The following TBCB variants were observed in gnomAD, a reference collection of about 807,000 sequenced individuals.
TBCB encodes tubulin folding cofactor B, also known as tubulin-folding cofactor B.
A neutral mutation model predicts 29.2 loss-of-function variants in TBCB; 18 were observed. That is an observed-to-expected ratio of 0.62 (90% confidence interval 0.43 to 0.91). The LOEUF is 0.91. Among genes scored for constraint, TBCB ranks in the 40% least tolerant of loss-of-function variants. The pLI is 0.00. For missense variants in TBCB, 336 were observed against 337.6 expected (o/e 1.00, Z 0.04); for synonymous variants, 172 against 137.8 (o/e 1.25, Z -1.74).
Position 36,115,861 on chromosome 19 carries a change from C to T in TBCB, c.115-180C>T, listed in dbSNP as rs925496961. ...AACTCGAGAGTGCAGAGATGAGGGC[C>T]GGGTCCAGCGAAAAATCCGACGGTC... On this transcript the variant is annotated intron_variant, in intron 1 of 5. Transcript: ENST00000221855. 18 of 1,089,890 alleles carry T rather than the reference C, an allele frequency of 1.7e-5. No individual in the cohort carries two copies. In the Admixed American group the frequency reaches 2.0e-4, roughly 12 times the overall value. 67.5% of individuals were successfully genotyped at this position (1,089,890 alleles called of 1,614,324 possible).
At chr19:36,115,871 G>GAA in intron 1 of TBCB, 170 bp from the exon 2 acceptor site, 1 of 1,177,120 alleles carries the variant, frequency 8.5e-7, no homozygotes. Flanking sequence ...CGGGTCCAGC[G>GAA]AAAAATCCGA....
Position 36,115,676 on chromosome 19 carries a change from T to G in TBCB, c.114+2T>G. On this transcript the variant is annotated splice_donor_variant, in intron 1 of 5. Coordinates refer to ENST00000221855, the MANE Select transcript of TBCB (RefSeq NM_001281.3). LOFTEE classifies it high-confidence loss of function. ...AGCCTCACCATCGCTGAGTTCAAGG[T>G]GTGGCCATGGGGGCGGGGTCCGGAG... is the stretch of plus-strand genomic sequence containing the variant. 1 of 1,332,418 alleles carries G rather than the reference T, an allele frequency of 7.5e-7. No individual in the cohort carries two copies. The highest frequency in any genetic ancestry group is 9.8e-7 in the Non-Finnish European group (1 of 1,016,390). The allele number at this position is 1,332,418 out of a possible 1,614,324, so 82.5% of individuals were successfully genotyped here. A position where few individuals can be genotyped will look rare whatever the true frequency, so the allele number is the denominator to read the frequency against.
intron 1 of TBCB, 133 bp from the exon 2 acceptor site, chr19:36,115,908 G>T: frequency 7.4e-7 from 1 of 1,356,606 alleles, no homozygotes; most frequent in Non-Finnish European, 1.0e-6. Flanking sequence ...GGCAAGAGGC[G>T]AGGGGCTGGA....
intron 4 of TBCB, among the ~76,000 whole-genome samples, chr19:36,122,977 G>A (rs915548147): frequency 2.6e-5 from 4 of 151,992 alleles, no homozygotes; most frequent in African/African-American, 4.8e-5. Flanking sequence ...TCCCCCAGTC[G>A]TCTTCAGCCA....
At chr19:36,120,851 G>C (rs779081257) in intron 3 of TBCB, 45 bp downstream of exon 3, 1 of 1,585,814 alleles carries the variant, frequency 6.3e-7, no homozygotes, top group East Asian at 2.2e-5. Flanking sequence ...GCCAGAGGGA[G>C]TATGTGCAGG....
intron 4 of TBCB, 111 bp downstream of exon 4, chr19:36,121,829 G>A: frequency 1.5e-6 from 2 of 1,350,868 alleles, no homozygotes; most frequent in Non-Finnish European, 1.0e-6. Flanking sequence ...GCGCGGGGTT[G>A]GGGGGGACTC....
At chr19:36,120,214 G>A (rs1056165949) in intron 2 of TBCB, among the ~76,000 whole-genome samples, 5 of 152,198 alleles carry the variant, frequency 3.3e-5, no homozygotes. Context: ...CCTGAGGGCA[G>A]AGTGCGTCTG....
intron 2 of TBCB, among the ~76,000 whole-genome samples, chr19:36,119,321 A>G (rs1459085581): frequency 6.6e-6 from 1 of 152,214 alleles, no homozygotes; most frequent in African/African-American, 2.4e-5. Context: ...ATGTTAGCCC[A>G]GTGGCTTAGG....
chr19:36,114,970 C>T, upstream of TBCB: 1 of 1,096,010 alleles, frequency 9.1e-7, no homozygotes, highest in Non-Finnish European at 1.3e-6. This position sits in a 1 kb window ranked among gnomAD's most constrained non-coding sequence, Gnocchi z 4.5. Context: ...GAGCTGCGCA[C>T]ACGTGCTGGC....
At chr19:36,115,131 G>T (rs571919198), upstream of TBCB, 8 of 573,438 alleles carry the variant, frequency 1.4e-5, no homozygotes, top group Non-Finnish European at 2.5e-5. Flanking sequence ...CCGGGAAAAC[G>T]ATGCGCATCG....
In TBCB at chr19:36,121,236, C is replaced by T. The variant is rs376216521; in HGVS notation, c.356-291C>T. Among the ~76,000 whole-genome samples the T allele has an allele frequency of 4.5e-4, 68 of 151,410 alleles. No individual in the cohort carries two copies. The South Asian group carries it at 0.014, about 30-fold the overall frequency. On this transcript the variant is annotated intron_variant, in intron 3 of 5. Transcript: ENST00000221855. ...CGGGGGCCTCAGGGCCGGAGGAGGG[C>T]GGAGGAGGAAGGCGGATGATGAAGG...
Position 36,116,146 on chromosome 19 carries a change from C to A in TBCB, c.220C>A (p.Leu74Met). 2 of 1,614,188 alleles carry A rather than the reference C, an allele frequency of 1.2e-6. No individual in the cohort carries two copies. The highest frequency in any genetic ancestry group is 1.7e-6 in the Non-Finnish European group (2 of 1,180,032). The change falls in exon 2 of 6, where the codon CTG (leucine) becomes ATG (methionine). Residue 74 changes from leucine to methionine, a missense_variant. Transcript: ENST00000221855. ...YSKLDQEDAL[L>M]GSYPVDDGCR... is the part of the protein sequence containing the mutation. ...CAAGCTGGATCAAGAGGATGCGCTC[C>A]TGGGCTCCTACCCTGTAGATGACGG...
In TBCB at chr19:36,115,477, C is replaced by CCAG. The variant is rs77581492; in HGVS notation, c.-73_-71dup. On this transcript the variant is annotated 5_prime_UTR_variant, in exon 1 of 6. Coordinates refer to ENST00000221855, the MANE Select transcript of TBCB (RefSeq NM_001281.3). ...CGGAGCAGGAGGCGGGGCTGATAGC[C>CCAG]CAGCAGCAGCAGCGGCGGCGGCGGC... The CCAG allele has an allele frequency of 0.096, 101,012 of 1,047,414 alleles. 5,335 individuals carry two copies. The highest frequency in any genetic ancestry group is 0.22 in the African/African-American group (13,841 of 62,318). 64.9% of individuals were successfully genotyped at this position (1,047,414 alleles called of 1,614,324 possible).
chr19:36,122,899 C>T (rs1320149424), intron 4 of TBCB, among the ~76,000 whole-genome samples: 2 of 152,132 alleles, frequency 1.3e-5, no homozygotes, highest in African/African-American at 4.8e-5. Flanking sequence ...TTTTTCAACC[C>T]TCACCACCCT....
At chr19:36,122,444 C>CA (rs1050179427) in intron 4 of TBCB, among the ~76,000 whole-genome samples, 2 of 149,884 alleles carry the variant, frequency 1.3e-5, no homozygotes, top group African/African-American at 2.5e-5. Flanking sequence ...GACCCAGTCT[C>CA]AAAAAAAAGG....
At chr19:36,115,261 C>T (rs1409545436), upstream of TBCB, 3 of 532,464 alleles carry the variant, frequency 5.6e-6, no homozygotes, top group Admixed American at 3.6e-5. Flanking sequence ...ACTCCTACCT[C>T]CGGGCTTCAG....
intron 2 of TBCB, among the ~76,000 whole-genome samples, chr19:36,120,163 CTTTG>C (rs1364277341): frequency 1.3e-5 from 2 of 152,142 alleles, no homozygotes; most frequent in African/African-American, 4.8e-5. Context: ...GTACCTGTTC[CTTTG>C]TTTGTGGTTG....
At chr19:36,120,548 T>C in intron 2 of TBCB, 162 bp from the exon 3 acceptor site, 1 of 598,378 alleles carries the variant, frequency 1.7e-6, no homozygotes, top group Non-Finnish European at 3.0e-6. Flanking sequence ...TGTACGTAGC[T>C]ACTTCTCCCT....
At chr19:36,121,764 C>T (rs759953460) in intron 4 of TBCB, 46 bp downstream of exon 4, 1 of 1,547,586 alleles carries the variant, frequency 6.5e-7, no homozygotes, top group South Asian at 1.2e-5. Flanking sequence ...GCTCCAAGGC[C>T]GGGAGGAAAT....
Sources: allele counts gnomAD v4.1 joint callset (sites outside exome capture counted in the v4.1 genomes callset), GRCh38; gene constraint gnomAD v4.1.1; non-coding constraint Gnocchi (gnomAD v3.1); transcripts MANE v1.5; gene names NCBI Gene and HGNC (gene_info 2026-07-23, HGNC 2026-07-21).